Variants in IL1RAPL1 observed in about 807,000 individuals in gnomAD.
IL1RAPL1 encodes the protein interleukin 1 receptor accessory protein like 1.
IL1RAPL1 carries 3 observed loss-of-function variants against 48.4 expected under a neutral mutation model. The observed-to-expected ratio is 0.06, with a 90% confidence interval of 0.03 to 0.16. IL1RAPL1 has a LOEUF of 0.16. Among genes scored for constraint, IL1RAPL1 ranks in the 10% least tolerant of loss-of-function variants. IL1RAPL1 has a pLI of 1.00. For missense variants in IL1RAPL1, 349 were observed against 530.6 expected, an observed-to-expected ratio of 0.66 and a Z score of 3.36; for synonymous variants, 185 against 187.7, an observed-to-expected ratio of 0.99 and a Z score of 0.12.
At chrX:29,241,546 T>A (rs1931422397) in intron 2 of IL1RAPL1, among the ~76,000 whole-genome samples, 1 of 110,934 alleles carries the variant, frequency 9.0e-6, no homozygotes. Flanking sequence ...AAAGAGGGGA[T>A]GTGAGCAAAA....
intron 5 of IL1RAPL1, among the ~76,000 whole-genome samples, chrX:29,630,594 A>C (rs943803945): frequency 9.4e-6 from 1 of 106,229 alleles, no homozygotes; most frequent in Admixed American, 1.0e-4. Context: ...GCTGGAGTGC[A>C]GTGGTGCAAT....
intron 3 of IL1RAPL1, among the ~76,000 whole-genome samples, chrX:29,366,770 T>C (rs1461318477): frequency 9.2e-6 from 1 of 108,387 alleles, no homozygotes; most frequent in Non-Finnish European, 1.9e-5. Flanking sequence ...GGTTTCACCA[T>C]GTTAGTCAGG....
intron 6 of IL1RAPL1, among the ~76,000 whole-genome samples, chrX:29,866,109 C>T (rs997245616): frequency 1.8e-5 from 2 of 111,617 alleles, no homozygotes; most frequent in Non-Finnish European, 3.8e-5. Context: ...CAGTTTTTGG[C>T]CATATCATTT....
intron 5 of IL1RAPL1, among the ~76,000 whole-genome samples, chrX:29,587,724 T>G (rs1923228337): frequency 8.9e-6 from 1 of 112,075 alleles, no homozygotes; most frequent in African/African-American, 3.2e-5. Flanking sequence ...CTATTGGTCT[T>G]ATCTGGGGAA....
At chrX:28,808,969 CT>C (rs141376742) in intron 2 of IL1RAPL1, among the ~76,000 whole-genome samples, 1 of 110,239 alleles carries the variant, frequency 9.1e-6, no homozygotes, top group Non-Finnish European at 1.9e-5. Context: ...TAAGAGGTGT[CT>C]TTTTTTAAAG....
At chrX:29,604,483 T>C (rs767690056) in intron 5 of IL1RAPL1, among the ~76,000 whole-genome samples, 1 of 111,494 alleles carries the variant, frequency 9.0e-6, no homozygotes, top group South Asian at 3.7e-4. Context: ...CTGTCACTTA[T>C]GCTGGAGTGC....
chrX:29,603,787 A>G (rs189406699), intron 5 of IL1RAPL1, among the ~76,000 whole-genome samples: 22 of 112,462 alleles, frequency 2.0e-4, no homozygotes, highest in African/African-American at 6.5e-4. Context: ...TCCATAATAA[A>G]GTTTATTTTT....
intron 6 of IL1RAPL1, among the ~76,000 whole-genome samples, chrX:29,678,342 CTTTTTTTTTTTTT>C (rs140827802): frequency 7.2e-5 from 3 of 41,708 alleles, no homozygotes; most frequent in African/African-American, 1.3e-4. Context: ...TTCAACACTA[CTTTTTTTTTTTTT>C]TTTTTTTTTT....
Position 29,380,376 on chromosome X carries a change from C to T in IL1RAPL1, c.363-15882C>T, listed in dbSNP as rs1057394683. Among the ~76,000 whole-genome samples, 10 of 111,961 alleles carry T rather than the reference C, an allele frequency of 8.9e-5. No individual in the cohort carries two copies. In the South Asian group the frequency reaches 1.5e-3, roughly 17 times the overall value. On this transcript the variant is annotated intron_variant, in intron 3 of 10. Coordinates refer to ENST00000378993, the MANE Select transcript of IL1RAPL1 (RefSeq NM_014271.4). Reference sequence around the variant, plus strand: ...CCAAGTAGCTGGGATTACAGGCATGCGTCACCACGCCCTGCTAATTTTGTA... The same window carrying T: ...CCAAGTAGCTGGGATTACAGGCATGTGTCACCACGCCCTGCTAATTTTGTA...
intron 6 of IL1RAPL1, among the ~76,000 whole-genome samples, chrX:29,859,811 G>A (rs1293392670): frequency 9.0e-6 from 1 of 111,537 alleles, no homozygotes; most frequent in Non-Finnish European, 1.9e-5. Context: ...CACAGAAAGG[G>A]TCCTTAAAAA....
intron 5 of IL1RAPL1, among the ~76,000 whole-genome samples, chrX:29,506,615 T>G (rs1212550589): frequency 9.0e-6 from 1 of 111,017 alleles, no homozygotes; most frequent in Admixed American, 9.6e-5. Flanking sequence ...CAAGGGGATA[T>G]TGCAGTACTA....
intron 6 of IL1RAPL1, among the ~76,000 whole-genome samples, chrX:29,908,358 C>T (rs918277025): frequency 1.0e-5 from 1 of 98,191 alleles, no homozygotes; most frequent in Non-Finnish European, 2.0e-5. Context: ...GGTAACATAG[C>T]AAGACCCCAT....
chrX:29,527,265 A>G (rs1935561988), intron 5 of IL1RAPL1, among the ~76,000 whole-genome samples: 1 of 106,700 alleles, frequency 9.4e-6, no homozygotes, highest in African/African-American at 3.4e-5. Flanking sequence ...AAGGAAAACT[A>G]TACAGGTACT....
intron 1 of IL1RAPL1, among the ~76,000 whole-genome samples, chrX:28,765,997 A>G (rs952986937): frequency 1.8e-5 from 2 of 111,742 alleles, no homozygotes. Flanking sequence ...TCTCACCACC[A>G]AAGTGTAGCA....
chrX:28,901,245 A>G (rs1923068060), intron 2 of IL1RAPL1, among the ~76,000 whole-genome samples: 1 of 112,005 alleles, frequency 8.9e-6, no homozygotes, highest in Non-Finnish European at 1.9e-5. Context: ...ATATAATTAC[A>G]GTGCTTAGGT....
chrX:29,711,069 T>TATATACACACACACAC (rs1555913970), intron 6 of IL1RAPL1, among the ~76,000 whole-genome samples: 1 of 86,449 alleles, frequency 1.2e-5, no homozygotes, highest in Non-Finnish European at 2.2e-5. Context: ...TGTGTGTGTA[T>TATATACACACACACAC]ACACACACAC....
chrX:29,377,063 G>A (rs1374542491), intron 3 of IL1RAPL1, among the ~76,000 whole-genome samples: 1 of 112,155 alleles, frequency 8.9e-6, no homozygotes, highest in Non-Finnish European at 1.9e-5. Context: ...ATATATTAAG[G>A]ATAGTTAAGG....
intron 2 of IL1RAPL1, among the ~76,000 whole-genome samples, chrX:29,208,209 A>G (rs1602112341): frequency 8.9e-6 from 1 of 111,953 alleles, no homozygotes; most frequent in East Asian, 2.8e-4. Context: ...CAGAGTTAAC[A>G]GGTAATGCAT....
At chrX:28,938,500 A>AT (rs1924077321) in intron 2 of IL1RAPL1, among the ~76,000 whole-genome samples, 1 of 111,456 alleles carries the variant, frequency 9.0e-6, no homozygotes, top group East Asian at 2.8e-4. Flanking sequence ...CCCCCTCCTT[A>AT]TACCATATAC....
Sources: allele counts gnomAD v4.1 joint callset (sites outside exome capture counted in the v4.1 genomes callset), GRCh38; gene constraint gnomAD v4.1.1; transcripts MANE v1.5; gene names NCBI Gene and HGNC (gene_info 2026-07-23, HGNC 2026-07-21).